Variants in DDX1 observed in about 807,000 individuals in gnomAD.
DDX1 encodes DEAD-box helicase 1.
Under a neutral mutation model 108.7 loss-of-function variants are expected in DDX1, and 28 were observed. The ratio of observed to expected loss-of-function variants is 0.26; its 90% confidence interval spans 0.19 to 0.35. DDX1 has a LOEUF of 0.35. Ranked by LOEUF, DDX1 falls within the 10% of genes least tolerant of loss-of-function variation. The pLI, the probability that DDX1 is intolerant of heterozygous loss-of-function variation, is 1.00. For synonymous variants in DDX1, 295 were observed against 288.9 expected, an observed-to-expected ratio of 1.02 and a Z score of -0.21; for missense variants, 710 against 884.5, an observed-to-expected ratio of 0.80 and a Z score of 2.50.
In DDX1 at chr2:15,597,419, A is replaced by G. The variant is rs532869985; in HGVS notation, c.207A>G (p.Lys69=). The G allele has an allele frequency of 1.2e-6, 2 of 1,609,352 alleles. No individual in the cohort carries two copies. Among genetic ancestry groups the G allele is most frequent in the East Asian group, 2.2e-5 (1 of 44,690 alleles). Residue 69 remains lysine (K), a synonymous_variant, in exon 5 of 26, where the codon AAA becomes AAG. Coordinates refer to ENST00000233084, the MANE Select transcript of DDX1 (RefSeq NM_004939.3). ...PVIQIVYETL[K]DQQEGKKGKT... ...TCCAGATAGTTTATGAAACTCTGAA[A>G]GACCAACAGGAAGGCAAAAAAGGAA...
intron 19 of DDX1, among the ~76,000 whole-genome samples, chr2:15,625,033 C>T (rs888765054): frequency 6.6e-6 from 1 of 152,106 alleles, no homozygotes; most frequent in African/African-American, 2.4e-5. Context: ...TTATAATATT[C>T]TAAAACTGAA....
rs575890144 is a variant in DDX1, at chr2:15,599,994, C to A, written c.307+278C>A. Among the ~76,000 whole-genome samples, 23 of 151,534 alleles carry A rather than the reference C, an allele frequency of 1.5e-4. No individual in the cohort carries two copies. The Admixed American group carries it at 1.5e-3, about 10-fold the overall frequency. On this transcript the variant is annotated intron_variant, in intron 6 of 25. Coordinates refer to ENST00000233084, the MANE Select transcript of DDX1 (RefSeq NM_004939.3). ...TTAAGTAAAGGGTGCTGACACGATCCATCTGGAGCAATATAAAATTGACTT... is the reference window on the plus strand; with the variant it reads ...TTAAGTAAAGGGTGCTGACACGATCAATCTGGAGCAATATAAAATTGACTT...
intron 13 of DDX1, among the ~76,000 whole-genome samples, chr2:15,611,833 AG>A (rs1480099466): frequency 1.2e-5 from 1 of 81,956 alleles, no homozygotes; most frequent in Non-Finnish European, 2.2e-5. Context: ...GGCCGGGCAG[AG>A]GGGCTCCTCA....
At chr2:15,592,096 C>T in intron 1 of DDX1, 147 bp downstream of exon 1, 3 of 769,658 alleles carry the variant, frequency 3.9e-6, no homozygotes, top group Non-Finnish European at 5.5e-6. Flanking sequence ...GATGGACCCG[C>T]GTTGCGGGAT....
chr2:15,606,518 A>G (rs1274223361), intron 12 of DDX1, among the ~76,000 whole-genome samples: 2 of 152,238 alleles, frequency 1.3e-5, no homozygotes, highest in African/African-American at 2.4e-5. Flanking sequence ...ATGTGTGCTT[A>G]TTCAGTGCCA....
intron 6 of DDX1, among the ~76,000 whole-genome samples, chr2:15,602,027 T>G (rs1665595934): frequency 6.6e-6 from 1 of 152,200 alleles, no homozygotes; most frequent in African/African-American, 2.4e-5. Flanking sequence ...GTTTCCCATA[T>G]GGTTTCTTCC....
intron 8 of DDX1, 71 bp downstream of exon 8, chr2:15,603,346 C>G (rs1399487502): frequency 2.0e-5 from 21 of 1,050,422 alleles, no homozygotes; most frequent in Non-Finnish European, 1.9e-5. Context: ...TTTGGGGAAG[C>G]AAAATAATAA....
chr2:15,612,276 C>T (rs1202565342), intron 13 of DDX1, among the ~76,000 whole-genome samples: 1 of 151,770 alleles, frequency 6.6e-6, no homozygotes, highest in East Asian at 2.0e-4. Context: ...AGACGCTCCT[C>T]ACCTCCCAGA....
chr2:15,617,591 A>G (rs1021260727), intron 15 of DDX1, among the ~76,000 whole-genome samples: 2 of 152,184 alleles, frequency 1.3e-5, no homozygotes, highest in African/African-American at 4.8e-5. Context: ...AATTGTACAT[A>G]ATTTATAAAT....
chr2:15,618,874 C>T (rs1245118872), intron 16 of DDX1, among the ~76,000 whole-genome samples: 2 of 152,236 alleles, frequency 1.3e-5, no homozygotes, highest in Non-Finnish European at 2.9e-5. Context: ...GTGTGCACAC[C>T]CAGCTGGCCC....
rs777275353 is a variant in DDX1 at position 15,629,627 on chromosome 2, G to A, written c.1901G>A (p.Arg634His). 2.8e-5 allele frequency: 44 copies of A among 1,588,714 alleles called. No homozygotes were observed. The highest frequency in any genetic ancestry group is 3.4e-5 in the Non-Finnish European group (40 of 1,171,820). The change falls in exon 24 of 26, where the codon CGT (arginine) becomes CAT (histidine). Residue 634 changes from arginine to histidine, a missense_variant. Physicochemically the swap from Arg to His is conservative, Grantham distance 29. Coordinates refer to ENST00000233084, the MANE Select transcript of DDX1 (RefSeq NM_004939.3). ...EKVWYHVCSS[R>H]GKGCYNTRLK... is the part of the protein sequence containing the mutation. ...GTTTGGTACCATGTATGTAGCAGCC[G>A]TGGAAAAGGGTGTTATAACACAAGA... is the stretch of plus-strand genomic sequence containing the variant.
chr2:15,606,974 TCA>T (rs1665672506), intron 12 of DDX1, among the ~76,000 whole-genome samples, 199 bp from the exon 13 acceptor site: 1 of 152,176 alleles, frequency 6.6e-6, no homozygotes, highest in Non-Finnish European at 1.5e-5. Context: ...CAGGTGTCAG[TCA>T]CCCCACCAGC....
intron 5 of DDX1, among the ~76,000 whole-genome samples, chr2:15,598,554 T>C (rs1665537121): frequency 1.3e-5 from 2 of 152,190 alleles, no homozygotes; most frequent in Admixed American, 6.5e-5. Flanking sequence ...AAAGTAATTA[T>C]TCTAGAAAGT....
Position 15,608,696 on chromosome 2 carries a change from G to C in DDX1, c.956+1383G>C, listed in dbSNP as rs184597663. ...TTTTTTTTTTTTTTTATGAAGTCTC[G>C]CTATGTTGCCCAGGCTGAAGTAAGT... On this transcript the variant is annotated intron_variant, in intron 13 of 25. Transcript: ENST00000233084. Among the ~76,000 whole-genome samples, 10 of 104,054 alleles carry C rather than the reference G, an allele frequency of 9.6e-5. No homozygotes were observed. In the South Asian group the frequency reaches 3.3e-3, roughly 34 times the overall value. 68.3% of individuals were successfully genotyped at this position (104,054 alleles called of 152,430 possible).
At chr2:15,616,888 A>C (rs913737783) in intron 14 of DDX1, among the ~76,000 whole-genome samples, 1 of 152,222 alleles carries the variant, frequency 6.6e-6, no homozygotes, top group Non-Finnish European at 1.5e-5. Context: ...AGATTAAATA[A>C]ATTAAGGTCA....
rs201087860 is a variant in DDX1 at position 15,601,690 on chromosome 2, G to C, written c.308-858G>C. Among the ~76,000 whole-genome samples, 65 of 152,260 alleles carry C rather than the reference G, an allele frequency of 4.3e-4. 1 individual carries two copies. The East Asian group carries it at 0.012, about 27-fold the overall frequency. ...TCCTAGATAACTTTTTAAAAGTTCA[G>C]TTCTACATAATTCAGTACCCATATG... On this transcript the variant is annotated intron_variant, in intron 6 of 25. Coordinates refer to ENST00000233084, the MANE Select transcript of DDX1 (RefSeq NM_004939.3).
intron 4 of DDX1, 43 bp from the exon 5 acceptor site, chr2:15,597,332 A>T: frequency 8.2e-7 from 1 of 1,215,184 alleles, no homozygotes; most frequent in Non-Finnish European, 1.2e-6. Flanking sequence ...AATTGTCGTT[A>T]ATATGTGAAT....
chr2:15,606,062 GTTGTAAGCTGCTTACTCTTCATTA>G (rs1246998639), intron 11 of DDX1, 36 bp downstream of exon 11: 9 of 1,560,168 alleles, frequency 5.8e-6, no homozygotes, highest in Non-Finnish European at 7.0e-6. Flanking sequence ...ATTTGCTGTG[GTTGTAAGCTGCTTACTCTTCATTA>G]TTTTGTATAC....
intron 19 of DDX1, among the ~76,000 whole-genome samples, chr2:15,624,673 T>C (rs1253231669): frequency 6.6e-6 from 1 of 152,074 alleles, no homozygotes; most frequent in Non-Finnish European, 1.5e-5. Flanking sequence ...CAATTCAAGA[T>C]GAGATTTGGA....
Sources: allele counts gnomAD v4.1 joint callset (sites outside exome capture counted in the v4.1 genomes callset), GRCh38; gene constraint gnomAD v4.1.1; transcripts MANE v1.5; gene names NCBI Gene and HGNC (gene_info 2026-07-23, HGNC 2026-07-21).